The following PIK3C2B variants were observed in gnomAD, a reference collection of about 807,000 sequenced individuals.
PIK3C2B encodes phosphatidylinositol 4-phosphate 3-kinase C2 domain-containing subunit beta.
Under a neutral mutation model 184.3 loss-of-function variants are expected in PIK3C2B, and 83 were observed. The observed-to-expected ratio is 0.45, with a 90% CI of 0.38 to 0.54. The LOEUF is 0.54. Among genes scored for constraint, PIK3C2B ranks in the 20% least tolerant of loss-of-function variants. The pLI, the probability that PIK3C2B is intolerant of heterozygous loss-of-function variation, is 0.00. For synonymous variants in PIK3C2B, 779 were observed against 837.6 expected (o/e 0.93, Z 1.21); for missense variants, 1,736 against 2,113.5 (o/e 0.82, Z 3.50).
intron 5 of PIK3C2B, among the ~76,000 whole-genome samples, chr1:204,461,354 C>T (rs957881937): frequency 9.9e-5 from 15 of 152,196 alleles, no homozygotes; most frequent in African/African-American, 3.1e-4. Flanking sequence ...GAGCCCTCGG[C>T]GATCCAACCT....
At chr1:204,444,248 G>A (rs1434172320) in intron 17 of PIK3C2B, 83 bp downstream of exon 17, 39 of 1,441,754 alleles carry the variant, frequency 2.7e-5, no homozygotes, top group Non-Finnish European at 3.5e-5. Flanking sequence ...TGGGATCTCT[G>A]GTTTCTAAGG....
rs369855114 is a variant in PIK3C2B at position 204,464,454 on chromosome 1, G to A, written c.1185C>T (p.Cys395=). ...TCTCCCCCCTCACTAACTTACAGTTGCAGGTGAAAGTGAGTGCCTCTTGAA... is the reference window on the plus strand; with the variant it reads ...TCTCCCCCCTCACTAACTTACAGTTACAGGTGAAAGTGAGTGCCTCTTGAA... ...DRLQEALTFT[C]NCSSTVDLLI... Residue 395 remains cysteine, a synonymous_variant, in exon 4 of 33, where the codon TGC becomes TGT. Transcript: ENST00000684373. 2 of 1,613,050 alleles carry A rather than the reference G, an allele frequency of 1.2e-6. No homozygotes were observed. Among genetic ancestry groups the A allele is most frequent in the African/African-American group, 2.7e-5 (2 of 74,858 alleles).
chr1:204,447,889 G>A lies in PIK3C2B; in HGVS notation c.2347-311C>T, dbSNP rs899888344. Among the ~76,000 whole-genome samples, 1 of 152,146 alleles carries A rather than the reference G, an allele frequency of 6.6e-6. No individual in the cohort carries two copies. The highest frequency in any genetic ancestry group is 2.4e-5 in the African/African-American group (1 of 41,432). On this transcript the variant is annotated intron_variant, in intron 14 of 32. Coordinates refer to ENST00000684373, the MANE Select transcript of PIK3C2B (RefSeq NM_001377334.1). This position sits in a 1 kb window ranked among gnomAD's most constrained non-coding sequence, Gnocchi z 4.1. ...CTCTGAACAGAGGTGTCACCCAGCT[G>A]AAACACGGGGTGCATCCAGGCTGAG...
intron 20 of PIK3C2B, among the ~76,000 whole-genome samples, chr1:204,442,120 A>C (rs1487026650): frequency 2.0e-5 from 3 of 152,182 alleles, no homozygotes; most frequent in Admixed American, 2.0e-4. Flanking sequence ...TCAGGCTTCT[A>C]AAAGTCCATA....
At chr1:204,454,328 A>G (rs1389479223) in intron 12 of PIK3C2B, among the ~76,000 whole-genome samples, 10 of 151,732 alleles carry the variant, frequency 6.6e-5, no homozygotes, top group Admixed American at 6.6e-4. Context: ...TAAAAATACA[A>G]AAAATTAGCT....
At position 204,483,184 on chromosome 1, in the gene PIK3C2B, G is replaced by A. The variant is rs551288298; in HGVS notation, c.-85+11172C>T. Among the ~76,000 whole-genome samples the A allele has an allele frequency of 6.6e-5, 10 of 152,270 alleles. No individual in the cohort carries two copies. The South Asian group carries it at 1.7e-3, about 25-fold the overall frequency. ...CAACTGCAATCCCAGCATTTTGGGAGGCCAAAGCAGGACGATCGCTTGAGC... is the reference window on the plus strand; with the variant it reads ...CAACTGCAATCCCAGCATTTTGGGAAGCCAAAGCAGGACGATCGCTTGAGC... On this transcript the variant is annotated intron_variant, in intron 1 of 32. Transcript: ENST00000684373.
rs1421622565 is a variant in PIK3C2B, at chr1:204,446,094, T to G, written c.2540A>C (p.His847Pro). The G allele has an allele frequency of 6.3e-7, 1 of 1,594,092 alleles. No homozygotes were observed. The highest frequency in any genetic ancestry group is 1.3e-5 in the African/African-American group (1 of 74,344). Residue 847 changes from histidine (H) to proline (P), a missense_variant, in exon 16 of 33, where the codon CAC becomes CCC. By Grantham distance (77) the His-to-Pro change is moderately conservative. Around this residue, in one of 8 missense-constraint regions of PIK3C2B, gnomAD observed 609 missense variants for 699.2 expected, o/e 0.87. Transcript: ENST00000684373. Reference protein sequence around the residue: ...KRLWEKRYYCHSEVSSLPLVL... With the variant: ...KRLWEKRYYCPSEVSSLPLVL... ...CAGGGGGAGCGAGCTCACCTCCGAG[T>G]GGCAGTAATATCGCTTCTCCCACAG...
At chr1:204,427,875 A>G (rs1055772635) in intron 30 of PIK3C2B, 121 bp from the exon 31 acceptor site, 4 of 722,228 alleles carry the variant, frequency 5.5e-6, no homozygotes, top group African/African-American at 3.5e-5. Context: ...AGGCATCTAC[A>G]TAAGTGTAGT....
Position 204,493,579 on chromosome 1 carries a change from G to C in PIK3C2B, c.-85+777C>G, listed in dbSNP as rs1011096478. On this transcript the variant is annotated intron_variant, in intron 1 of 32. Transcript: ENST00000684373. ...CTTCAACATCAGCCAACTAGGGTGTGTGCACTAACCTCATACATTTGGTAA... is the reference window on the plus strand; with the variant it reads ...CTTCAACATCAGCCAACTAGGGTGTCTGCACTAACCTCATACATTTGGTAA... Among the ~76,000 whole-genome samples the C allele has an allele frequency of 3.6e-5, 5 of 138,440 alleles. No homozygotes were observed. In the Admixed American group the frequency reaches 3.6e-4, roughly 10 times the overall value. 90.8% of individuals were successfully genotyped at this position (138,440 alleles called of 152,430 possible). A position where few individuals can be genotyped will look rare whatever the true frequency, so the allele number is the denominator to read the frequency against.
rs1219493487 is a variant in PIK3C2B, at chr1:204,428,196, G to A, written c.4423C>T (p.His1475Tyr). The A allele has an allele frequency of 5.6e-6, 9 of 1,612,038 alleles. No homozygotes were observed. Among genetic ancestry groups the A allele is most frequent in the African/African-American group, 2.7e-5 (2 of 74,852 alleles). The change falls in exon 30 of 33, where the codon CAC (histidine) becomes TAC (tyrosine). Residue 1475 changes from histidine (H) to tyrosine (Y), a missense_variant. By Grantham distance (83) the His-to-Tyr change is moderately conservative (BLOSUM62 2). Coordinates refer to ENST00000684373, the MANE Select transcript of PIK3C2B (RefSeq NM_001377334.1). ...GCCTTCTCATCCCGGGGCAGTGGGT[G>A]GAAGAAGGTGTACACCAAATCACAC... Reference protein sequence around the residue: ...AECDLVYTFFHPLPRDEKAMG... With the variant: ...AECDLVYTFFYPLPRDEKAMG...
In PIK3C2B at chr1:204,434,510, G is replaced by T. The variant is rs768397262; in HGVS notation, c.3615C>A (p.Thr1205=). The change falls in exon 24 of 33, where the codon ACC becomes ACA. Residue 1205 remains threonine (T), a synonymous_variant. Coordinates refer to ENST00000684373, the MANE Select transcript of PIK3C2B (RefSeq NM_001377334.1). ...AATCAATGTGGAACATGTGACCAGT[G>T]GTCTTCAGCATGATGTTGTCATTAT... ...DRHNDNIMLK[T]TGHMFHIDFG... is the part of the protein sequence containing the mutation. 2 of 1,614,128 alleles carry T rather than the reference G, an allele frequency of 1.2e-6. No individual in the cohort carries two copies. Among genetic ancestry groups the T allele is most frequent in the Middle Eastern group, 1.6e-4 (1 of 6,062 alleles).
In PIK3C2B at chr1:204,427,626, T is replaced by C. The variant is rs61758014; in HGVS notation, c.4587+22A>G. 3.7e-4 allele frequency: 562 copies of C among 1,519,986 alleles called. 2 individuals are homozygous for C. The African/African-American group carries it at 6.9e-3, about 19-fold the overall frequency. The allele number at this position is 1,519,986 out of a possible 1,614,324, so 94.2% of individuals were successfully genotyped here. A position where few individuals can be genotyped will look rare whatever the true frequency, so the allele number is the denominator to read the frequency against. ...AAGAAACATTAAAAAAGAAAAAAAA[T>C]CACGGCTGTGCAGGCACTTACCAAG... On this transcript the variant is annotated intron_variant, in intron 31 of 32. Coordinates refer to ENST00000684373, the MANE Select transcript of PIK3C2B (RefSeq NM_001377334.1).
chr1:204,441,798 C>A (rs1675677097), intron 20 of PIK3C2B, among the ~76,000 whole-genome samples: 1 of 152,222 alleles, frequency 6.6e-6, no homozygotes, highest in Admixed American at 6.5e-5. Context: ...ACCTCCCATC[C>A]TGTTAGTTCA....
At chr1:204,435,978 A>G (rs1208440725) in intron 23 of PIK3C2B, 2 of 152,238 alleles carry the variant, frequency 1.3e-5, no homozygotes, top group African/African-American at 4.8e-5. Context: ...CCTGTCACAG[A>G]TGCTCTTTCT....
At chr1:204,465,167 C>CACCCCAACCCCCCAA in intron 3 of PIK3C2B, 52 bp downstream of exon 3, 1 of 760,396 alleles carries the variant, frequency 1.3e-6, no homozygotes, top group Non-Finnish European at 2.3e-6. Flanking sequence ...GATGGCCCCC[C>CACCCCAACCCCCCAA]TCCCCATCCC....
chr1:204,478,510 G>A (rs370348385), intron 1 of PIK3C2B, among the ~76,000 whole-genome samples: 1 of 152,314 alleles, frequency 6.6e-6, no homozygotes, highest in Non-Finnish European at 1.5e-5. Flanking sequence ...AGCTCTATAA[G>A]CTTTTTTGAT....
At chr1:204,461,030 TATAGGGG>T (rs966206192) in intron 5 of PIK3C2B, among the ~76,000 whole-genome samples, 2 of 152,030 alleles carry the variant, frequency 1.3e-5, no homozygotes, top group African/African-American at 2.4e-5. Flanking sequence ...TGGGCCTCTG[TATAGGGG>T]ACAACCAGGA....
rs1046708593 is a variant in PIK3C2B at position 204,423,457 on chromosome 1, A to G, written c.*1395T>C. 6.6e-6 allele frequency: 1 copy of G among 152,168 alleles called. No homozygotes were observed. Among genetic ancestry groups the G allele is most frequent in the Non-Finnish European group, 1.5e-5 (1 of 68,170 alleles). The allele number at this position is 152,168 out of a possible 1,614,324, so 9.4% of individuals were successfully genotyped here. On this transcript the variant is annotated 3_prime_UTR_variant, in exon 33 of 33. Coordinates refer to ENST00000684373, the MANE Select transcript of PIK3C2B (RefSeq NM_001377334.1). Reference sequence around the variant, plus strand: ...GCGAGACTCCGTCTCCAAAAAAAAAAAAAAAAATCCATCTGGTAGGGAATA... The same window carrying G: ...GCGAGACTCCGTCTCCAAAAAAAAAGAAAAAAATCCATCTGGTAGGGAATA...
At chr1:204,430,433 C>T (rs1674984070) in intron 28 of PIK3C2B, among the ~76,000 whole-genome samples, 1 of 152,002 alleles carries the variant, frequency 6.6e-6, no homozygotes, top group Non-Finnish European at 1.5e-5. Flanking sequence ...GCAACCTCCA[C>T]CACCCGGGTT....
Sources: gnomAD v4.1 joint callset for allele counts (sites outside exome capture counted in the v4.1 genomes callset) on GRCh38, gnomAD v4.1.1 for gene constraint, gnomAD v4.1.1 regional missense constraint, Gnocchi (gnomAD v3.1) non-coding constraint, MANE v1.5 for transcripts, NCBI Gene and HGNC (gene_info 2026-07-23, HGNC 2026-07-21) for gene names.